Variants in ZBTB20 observed in about 807,000 individuals in gnomAD.
ZBTB20 encodes zinc finger and BTB domain-containing protein 20.
Under a neutral mutation model 56.9 loss-of-function variants are expected in ZBTB20, and 9 were observed. The ratio of observed to expected loss-of-function variants is 0.16; its 90% CI spans 0.10 to 0.28. ZBTB20 has a LOEUF of 0.28. Ranked by LOEUF, ZBTB20 falls within the 10% of genes least tolerant of loss-of-function variation. ZBTB20 has a pLI of 1.00. For synonymous variants in ZBTB20, 417 were observed against 420.7 expected, an observed-to-expected ratio of 0.99 and a Z score of 0.11; for missense variants, 655 against 1,003.0, an observed-to-expected ratio of 0.65 and a Z score of 4.69.
chr3:114,476,022 AC>A (rs1364741011), intron 7 of ZBTB20, among the ~76,000 whole-genome samples: 1 of 152,192 alleles, frequency 6.6e-6, no homozygotes, highest in East Asian at 1.9e-4. Context: ...TTCATGATAT[AC>A]AATTTAGAAA....
At chr3:114,913,281 G>A (rs955289677) in intron 3 of ZBTB20, among the ~76,000 whole-genome samples, 4 of 151,614 alleles carry the variant, frequency 2.6e-5, no homozygotes, top group South Asian at 2.1e-4. Flanking sequence ...TCATTTTAAC[G>A]GGAGTTAGAT....
At chr3:115,137,729 T>C (rs1413643216) in intron 1 of ZBTB20, among the ~76,000 whole-genome samples, 1 of 152,080 alleles carries the variant, frequency 6.6e-6, no homozygotes, top group Non-Finnish European at 1.5e-5. Context: ...CTCATATCCA[T>C]CACATCCTCA....
At chr3:114,770,511 G>GA (rs144361860) in intron 5 of ZBTB20, among the ~76,000 whole-genome samples, 5,183 of 147,010 alleles carry the variant, frequency 0.035, 142 homozygotes, top group African/African-American at 0.072. Context: ...ATAACTTATG[G>GA]AAAAAAAAAA....
At chr3:114,708,895 C>T (rs2063876780) in intron 5 of ZBTB20, among the ~76,000 whole-genome samples, 1 of 152,048 alleles carries the variant, frequency 6.6e-6, no homozygotes, top group South Asian at 2.1e-4. Context: ...AATAAAAGCA[C>T]ATTTATTTCA....
chr3:114,704,792 T>A (rs752349347), intron 5 of ZBTB20, among the ~76,000 whole-genome samples: 20 of 152,128 alleles, frequency 1.3e-4, no homozygotes, highest in Non-Finnish European at 2.5e-4. Flanking sequence ...GAGCTGGAAG[T>A]TTTACCCAAG....
chr3:115,006,445 A>C (rs2108238819), intron 2 of ZBTB20, among the ~76,000 whole-genome samples: 1 of 150,550 alleles, frequency 6.6e-6, no homozygotes, highest in African/African-American at 2.4e-5. Context: ...TATAGTCATA[A>C]AATTTATCCA....
intron 5 of ZBTB20, among the ~76,000 whole-genome samples, chr3:114,703,546 T>C (rs144511286): frequency 1.5e-3 from 227 of 152,214 alleles, no homozygotes; most frequent in African/African-American, 5.2e-3. Context: ...GAGCAAGATA[T>C]AACTTGCAAC....
chr3:114,506,859 A>C (rs918420963), intron 6 of ZBTB20, among the ~76,000 whole-genome samples: 3 of 152,156 alleles, frequency 2.0e-5, no homozygotes, highest in Admixed American at 6.5e-5. Context: ...ATACGGTGAC[A>C]GCCTATTTGC....
At chr3:114,989,514 T>C (rs2078705667) in intron 2 of ZBTB20, among the ~76,000 whole-genome samples, 2 of 152,200 alleles carry the variant, frequency 1.3e-5, no homozygotes, top group Non-Finnish European at 2.9e-5. Flanking sequence ...CCTTGTAGTA[T>C]AGTTTGAAGT....
intron 5 of ZBTB20, among the ~76,000 whole-genome samples, chr3:114,700,160 C>T (rs2063307218): frequency 6.6e-6 from 1 of 152,024 alleles, no homozygotes; most frequent in South Asian, 2.1e-4. Flanking sequence ...TGTCCTCTCA[C>T]TTGTACTCTG....
rs572139455 is a variant in ZBTB20 at position 114,964,972 on chromosome 3, A to G, written c.-456+9394T>C. Among the ~76,000 whole-genome samples the G allele has an allele frequency of 5.3e-5, 8 of 152,290 alleles. No homozygotes were observed. In the East Asian group the frequency reaches 1.4e-3, roughly 26 times the overall value. ...GGAAGCCCTTGCATTTAGATCAAAGAATTTGTGCCATGTGGAAAAAAATTC... is the reference window on the plus strand; with the variant it reads ...GGAAGCCCTTGCATTTAGATCAAAGGATTTGTGCCATGTGGAAAAAAATTC... On this transcript the variant is annotated intron_variant, in intron 3 of 11. Transcript: ENST00000675478.
chr3:115,088,152 C>G (rs542338658), intron 1 of ZBTB20, among the ~76,000 whole-genome samples: 2 of 151,912 alleles, frequency 1.3e-5, no homozygotes, highest in South Asian at 4.1e-4. Context: ...AAATCACTGA[C>G]CAAATTTTCC....
chr3:114,565,220 A>G (rs573246771), intron 6 of ZBTB20, among the ~76,000 whole-genome samples: 1 of 152,350 alleles, frequency 6.6e-6, no homozygotes, highest in African/African-American at 2.4e-5. Flanking sequence ...TGAAACACGC[A>G]GTCTCTAATT....
chr3:114,351,024 C>T lies in ZBTB20; in HGVS notation c.1054G>A (p.Glu352Lys). ...GTGTCTTCCGTGCACTCCTCGGATTCGTTGCGTTCCAGGATCTGCACCCTT... is the reference window on the plus strand; with the variant it reads ...GTGTCTTCCGTGCACTCCTCGGATTTGTTGCGTTCCAGGATCTGCACCCTT... ...QQRVQILERN[E>K]SEECTEDTDQ... Residue 352 changes from glutamate to lysine, a missense_variant, in exon 11 of 12, where the codon GAA (glutamate) becomes AAA (lysine). By Grantham distance (56) the Glu-to-Lys change is moderately conservative. Transcript: ENST00000675478. 6.2e-7 allele frequency: 1 copy of T among 1,611,744 alleles called. No homozygotes were observed.
intron 8 of ZBTB20, chr3:114,387,890 A>G (rs924667632): frequency 6.6e-6 from 1 of 152,226 alleles, no homozygotes; most frequent in Non-Finnish European, 1.5e-5. Flanking sequence ...CCTCCGGGAA[A>G]GGCAGGCCTG....
intron 6 of ZBTB20, among the ~76,000 whole-genome samples, chr3:114,548,485 T>C (rs567941373): frequency 2.6e-5 from 4 of 152,082 alleles, no homozygotes; most frequent in Non-Finnish European, 4.4e-5. Context: ...AAAACACAAC[T>C]GCACTATTTC....
At chr3:114,728,542 C>G (rs1223410675) in intron 5 of ZBTB20, among the ~76,000 whole-genome samples, 1 of 152,194 alleles carries the variant, frequency 6.6e-6, no homozygotes, top group Non-Finnish European at 1.5e-5. Context: ...TAATGCAGCT[C>G]AAGATGTAAT....
intron 4 of ZBTB20, among the ~76,000 whole-genome samples, chr3:114,861,382 G>A (rs1278356918): frequency 6.6e-6 from 1 of 151,820 alleles, no homozygotes; most frequent in African/African-American, 2.4e-5. Flanking sequence ...ATATATGGTA[G>A]GTGCTCACTA....
intron 5 of ZBTB20, among the ~76,000 whole-genome samples, chr3:114,779,986 TA>T (rs2069953283): frequency 6.6e-6 from 1 of 152,352 alleles, no homozygotes; most frequent in South Asian, 2.1e-4. Context: ...ATTATGAAGT[TA>T]TTTTTTTCTT....
Sources: allele counts gnomAD v4.1 joint callset (sites outside exome capture counted in the v4.1 genomes callset), GRCh38; gene constraint gnomAD v4.1.1; transcripts MANE v1.5; gene names NCBI Gene and HGNC (gene_info 2026-07-23, HGNC 2026-07-21).